SLC25A43: variants seen among roughly 807,000 people sequenced by gnomAD.
SLC25A43 encodes solute carrier family 25, member 43.
In SLC25A43, 10 loss-of-function variants were observed where a neutral mutation model predicts 22.8. That is an observed-to-expected ratio of 0.44 (90% CI 0.27 to 0.74). The LOEUF is 0.74. Ranked by LOEUF, SLC25A43 falls within the 30% of genes least tolerant of loss-of-function variation. The pLI is 0.17. For missense variants in SLC25A43, 233 were observed against 279.1 expected (o/e 0.83, Z 1.18); for synonymous variants, 106 against 121.6 (o/e 0.87, Z 0.84).
intron 1 of SLC25A43, among the ~76,000 whole-genome samples, chrX:119,405,000 A>G (rs1312183868): frequency 1.8e-5 from 2 of 111,380 alleles, no homozygotes; most frequent in Non-Finnish European, 3.8e-5. Flanking sequence ...ACCCACAATC[A>G]GATTAGAGTC....
intron 3 of SLC25A43, among the ~76,000 whole-genome samples, chrX:119,416,044 T>C (rs2052397910): frequency 9.5e-6 from 1 of 104,805 alleles, no homozygotes; most frequent in Admixed American, 1.1e-4. Flanking sequence ...TCCTGGTGCA[T>C]GATATGAAAC....
chrX:119,446,151 C>CAAAAAA (rs3078475), intron 3 of SLC25A43, among the ~76,000 whole-genome samples: 2 of 38,719 alleles, frequency 5.2e-5, no homozygotes, highest in Non-Finnish European at 4.2e-5. Context: ...GACTCCATCT[C>CAAAAAA]AAAAAAAAAA....
chrX:119,399,384 CG>C lies in SLC25A43; in HGVS notation c.-17del. 1 of 980,082 alleles carries C rather than the reference CG, an allele frequency of 1.0e-6. No individual in the cohort carries two copies. The highest frequency in any genetic ancestry group is 3.6e-5 in the South Asian group (1 of 27,497). The allele number at this position is 980,082 out of a possible 1,213,427, so 80.8% of individuals were successfully genotyped here. ...CCCAGGCCCGAGCCACGCGGTCTTC[CG>C]GGCCCGGGTCGGGGCTCGATGGCTA... is the stretch of plus-strand genomic sequence containing the variant. On this transcript the variant is annotated 5_prime_UTR_variant, in exon 1 of 5. Transcript: ENST00000217909.
At chrX:119,410,631 T>C (rs1249224224) in intron 3 of SLC25A43, among the ~76,000 whole-genome samples, 1 of 111,886 alleles carries the variant, frequency 8.9e-6, no homozygotes, top group Non-Finnish European at 1.9e-5. Flanking sequence ...TTCACGCCTG[T>C]AATCCCAGCA....
At chrX:119,406,964 C>G (rs1326852956) in intron 2 of SLC25A43, among the ~76,000 whole-genome samples, 1 of 113,103 alleles carries the variant, frequency 8.8e-6, no homozygotes, top group Non-Finnish European at 1.9e-5. Context: ...ATTCTAACCA[C>G]TCTCCATCTG....
chrX:119,409,766 A>G (rs1000912861), intron 2 of SLC25A43, among the ~76,000 whole-genome samples: 2 of 109,046 alleles, frequency 1.8e-5, no homozygotes, highest in African/African-American at 6.7e-5. Context: ...CAGGTGCCCA[A>G]CGCCACACCC....
rs1181470646 is a variant in SLC25A43 at position 119,453,114 on chromosome X, A to G, written c.*49A>G. On this transcript the variant is annotated 3_prime_UTR_variant, in exon 5 of 5. Coordinates refer to ENST00000217909, the MANE Select transcript of SLC25A43 (RefSeq NM_145305.3). ...CTGACTGACAGCATGTTGCAATCAC[A>G]GATAAATGTAGCCTCATAACTGTGC... 2 of 1,046,027 alleles carry G rather than the reference A, an allele frequency of 1.9e-6. No individual in the cohort carries two copies. Among genetic ancestry groups the G allele is most frequent in the Non-Finnish European group, 1.3e-6 (1 of 747,401 alleles). 86.2% of individuals were successfully genotyped at this position (1,046,027 alleles called of 1,213,427 possible).
intron 3 of SLC25A43, among the ~76,000 whole-genome samples, chrX:119,424,897 A>G (rs1440211434): frequency 8.9e-6 from 1 of 112,030 alleles, no homozygotes; most frequent in Non-Finnish European, 1.9e-5. Flanking sequence ...AATCCCATTC[A>G]TGAGAGCTTT....
chrX:119,413,520 A>C (rs374788932), intron 3 of SLC25A43, among the ~76,000 whole-genome samples: 30 of 103,000 alleles, frequency 2.9e-4, no homozygotes, highest in African/African-American at 5.3e-4. Context: ...AGCCCGGCCA[A>C]CATGGCGAAA....
chrX:119,441,245 G>A (rs1465394447), intron 3 of SLC25A43, among the ~76,000 whole-genome samples: 3 of 66,702 alleles, frequency 4.5e-5, no homozygotes, highest in Admixed American at 1.8e-4. Context: ...AGGTGCGTCC[G>A]TCACCCCTTT....
In SLC25A43 at chrX:119,406,472, G is replaced by A. The variant is rs1372944575; in HGVS notation, c.288G>A (p.Leu96=). The change falls in exon 2 of 5, where the codon CTG becomes CTA. Residue 96 remains leucine, a synonymous_variant. Transcript: ENST00000217909. The part of the protein sequence containing the change: ...QLAAYRKFVV[L]FTDDLGHISQ... ...TATTTTCTCCCAGATTTGTTGTGCT[G>A]TTCACAGATGACCTGGGCCACATTT... 8.3e-7 allele frequency: 1 copy of A among 1,211,325 alleles called. No individual in the cohort carries two copies. The highest frequency in any genetic ancestry group is 3.0e-5 in the East Asian group (1 of 33,819).
chrX:119,445,910 T>C (rs1317940332), intron 3 of SLC25A43, among the ~76,000 whole-genome samples: 3 of 110,132 alleles, frequency 2.7e-5, no homozygotes, highest in Non-Finnish European at 5.7e-5. Flanking sequence ...CCCAGCACTT[T>C]GGGAGGCCGA....
At position 119,410,294 on chromosome X, in the gene SLC25A43, G is replaced by C. The variant is rs1457281366; in HGVS notation, c.622G>C (p.Val208Leu). 2 of 1,211,099 alleles carry C rather than the reference G, an allele frequency of 1.7e-6. No individual in the cohort carries two copies. The highest frequency in any genetic ancestry group is 2.2e-6 in the Non-Finnish European group (2 of 895,179). The stretch of plus-strand genomic sequence containing the variant: ...CTCTCTCCCACAGAACTTTGCTAAT[G>C]TCTGTCTGGCTGCTGCAGTGACCCA... ...QFSLPQNFANVCLAAAVTQTL... is the reference protein window; with the variant it reads ...QFSLPQNFANLCLAAAVTQTL... The change falls in exon 3 of 5, where the codon GTC becomes CTC. Residue 208 changes from valine to leucine, a missense_variant. Transcript: ENST00000217909.
intron 4 of SLC25A43, among the ~76,000 whole-genome samples, chrX:119,452,508 C>A (rs57346765): frequency 0.023 from 2,212 of 98,139 alleles, 29 homozygotes; most frequent in Middle Eastern, 0.036. Flanking sequence ...AAAAAAAAAA[C>A]AAAAACAAAA....
At chrX:119,420,470 T>C (rs1488375431) in intron 3 of SLC25A43, among the ~76,000 whole-genome samples, 1 of 109,857 alleles carries the variant, frequency 9.1e-6, no homozygotes, top group African/African-American at 3.3e-5. Context: ...GACTAATATT[T>C]TAAATGTTTT....
intron 3 of SLC25A43, among the ~76,000 whole-genome samples, chrX:119,424,350 C>T (rs1222288794): frequency 1.8e-5 from 2 of 111,581 alleles, no homozygotes; most frequent in Non-Finnish European, 3.8e-5. Context: ...CTTAGTACTC[C>T]TATTTTATAG....
chrX:119,447,894 T>G (rs1309411764), intron 3 of SLC25A43, among the ~76,000 whole-genome samples: 1 of 110,895 alleles, frequency 9.0e-6, no homozygotes, highest in Non-Finnish European at 1.9e-5. Flanking sequence ...ACTCCCTAAT[T>G]ATGTCTCCGG....
chrX:119,399,622 G>A lies in SLC25A43; in HGVS notation c.219G>A (p.Ala73=). Residue 73 remains alanine (A), a synonymous_variant, in exon 1 of 5, where the codon GCG becomes GCA. Coordinates refer to ENST00000217909, the MANE Select transcript of SLC25A43 (RefSeq NM_145305.3). ...EGLRALWKGN[A]VACLRLFPCS... is the part of the protein sequence containing the mutation. ...TCCGGGCCCTGTGGAAGGGGAACGC[G>A]GTGGCGTGCCTGCGCCTCTTCCCCT... The A allele has an allele frequency of 9.8e-7, 1 of 1,021,966 alleles. No individual in the cohort carries two copies. The highest frequency in any genetic ancestry group is 4.1e-5 in the East Asian group (1 of 24,449). 84.2% of individuals were successfully genotyped at this position (1,021,966 alleles called of 1,213,427 possible). A position where few individuals can be genotyped will look rare whatever the true frequency, so the allele number is the denominator to read the frequency against.
At chrX:119,431,968 A>T (rs1022640294) in intron 3 of SLC25A43, among the ~76,000 whole-genome samples, 9 of 110,616 alleles carry the variant, frequency 8.1e-5, no homozygotes, top group African/African-American at 3.0e-4. Flanking sequence ...AGCCTGGCCA[A>T]CATGGTGAAA....
Sources: allele counts gnomAD v4.1 joint callset (sites outside exome capture counted in the v4.1 genomes callset), GRCh38; gene constraint gnomAD v4.1.1; transcripts MANE v1.5; gene names NCBI Gene and HGNC (gene_info 2026-07-23, HGNC 2026-07-21).